FCHSD2: variants seen among roughly 807,000 people sequenced by gnomAD.
The protein encoded by FCHSD2 is F-BAR and double SH3 domains protein 2.
In FCHSD2, 38 loss-of-function variants were observed where a neutral mutation model predicts 108.1. The ratio of observed to expected loss-of-function variants is 0.35; its 90% CI spans 0.27 to 0.46. FCHSD2 has a LOEUF of 0.46. FCHSD2 is among the 20% of genes least tolerant of loss of function. FCHSD2 has a pLI of 1.00. For missense variants in FCHSD2, 751 were observed against 897.8 expected (o/e 0.84, Z 2.09); for synonymous variants, 279 against 314.7 (o/e 0.89, Z 1.20).
chr11:73,067,475 T>C (rs894061815), intron 3 of FCHSD2, among the ~76,000 whole-genome samples: 7 of 150,036 alleles, frequency 4.7e-5, no homozygotes, highest in Admixed American at 4.6e-4. Context: ...ACTTAAAGTA[T>C]AATAAAAAAA....
intron 2 of FCHSD2, among the ~76,000 whole-genome samples, chr11:73,102,676 A>G (rs997459707): frequency 1.3e-5 from 2 of 152,188 alleles, no homozygotes; most frequent in Admixed American, 6.5e-5. Context: ...TGCCATTATA[A>G]AAGGGTGAGT....
At chr11:72,909,914 G>A (rs554065078) in intron 9 of FCHSD2, among the ~76,000 whole-genome samples, 9 of 149,362 alleles carry the variant, frequency 6.0e-5, no homozygotes, top group Non-Finnish European at 1.0e-4. Flanking sequence ...ACCTCTGCCC[G>A]GCTGCCCATC....
chr11:72,888,243 C>T (rs1332487824), intron 11 of FCHSD2, among the ~76,000 whole-genome samples: 2 of 152,134 alleles, frequency 1.3e-5, no homozygotes, highest in East Asian at 1.9e-4. Flanking sequence ...AATGTTGAAT[C>T]GTGGATGACT....
intron 8 of FCHSD2, among the ~76,000 whole-genome samples, chr11:72,936,263 T>G (rs1024060504): frequency 6.6e-6 from 1 of 152,212 alleles, no homozygotes; most frequent in Non-Finnish European, 1.5e-5. Context: ...GTAAGGAATT[T>G]TGGTGACAGA....
At chr11:73,097,960 C>A (rs573247480) in intron 2 of FCHSD2, among the ~76,000 whole-genome samples, 13 of 152,080 alleles carry the variant, frequency 8.5e-5, no homozygotes, top group Non-Finnish European at 1.3e-4. Context: ...CTTGCATAGC[C>A]CATGGTGCCC....
intron 8 of FCHSD2, among the ~76,000 whole-genome samples, chr11:72,928,240 GA>G (rs1021435525): frequency 2.8e-4 from 43 of 151,344 alleles, no homozygotes; most frequent in Non-Finnish European, 5.0e-4. Flanking sequence ...ACATATTAGG[GA>G]AAAAAAATTC....
At chr11:72,937,214 A>C (rs1856320981) in intron 8 of FCHSD2, among the ~76,000 whole-genome samples, 1 of 152,212 alleles carries the variant, frequency 6.6e-6, no homozygotes, top group Admixed American at 6.5e-5. Flanking sequence ...AGAAGTTTAG[A>C]TATTTAGGTA....
chr11:72,988,674 G>C lies in FCHSD2; in HGVS notation c.521+290C>G, dbSNP rs943403349. Among the ~76,000 whole-genome samples the C allele has an allele frequency of 3.9e-5, 6 of 152,154 alleles. No individual in the cohort carries two copies. In the South Asian group the frequency reaches 1.2e-3, roughly 32 times the overall value. ...TCAGACACCATAGCAGTGACTTCAGGCTTTTGATAAGCTTTCAAGTCTGTA... is the reference window on the plus strand; with the variant it reads ...TCAGACACCATAGCAGTGACTTCAGCCTTTTGATAAGCTTTCAAGTCTGTA... On this transcript the variant is annotated intron_variant, in intron 6 of 19. Coordinates refer to ENST00000409418, the MANE Select transcript of FCHSD2 (RefSeq NM_014824.3).
At chr11:72,983,709 G>C (rs932261532) in intron 8 of FCHSD2, 1 of 354,040 alleles carries the variant, frequency 2.8e-6, no homozygotes, top group Non-Finnish European at 5.5e-6. Context: ...ATTCTGCCTA[G>C]CTTCAATAAT....
At chr11:73,132,824 G>GAAAAAAA (rs35412486) in intron 2 of FCHSD2, among the ~76,000 whole-genome samples, 1 of 110,866 alleles carries the variant, frequency 9.0e-6, no homozygotes, top group African/African-American at 4.0e-5. Context: ...AACGGTAACA[G>GAAAAAAA]AAAAAAAAAA....
chr11:73,060,515 A>T (rs930534019), intron 3 of FCHSD2, among the ~76,000 whole-genome samples: 1 of 152,172 alleles, frequency 6.6e-6, no homozygotes, highest in African/African-American at 2.4e-5. Flanking sequence ...TTTCCAGGGG[A>T]AATAATCAAT....
chr11:72,892,550 G>A (rs1412063857), intron 10 of FCHSD2, among the ~76,000 whole-genome samples: 1 of 152,130 alleles, frequency 6.6e-6, no homozygotes, highest in Admixed American at 6.5e-5. Context: ...CACTATCAAA[G>A]ATCAATATAA....
intron 8 of FCHSD2, among the ~76,000 whole-genome samples, chr11:72,945,925 G>C (rs7951562): frequency 0.95 from 144,665 of 152,210 alleles, 69,073 homozygotes; most frequent in East Asian, 1. Flanking sequence ...TGGAGAAATA[G>C]GAACACTTTT....
At chr11:72,857,148 C>G (rs1340048466) in intron 13 of FCHSD2, among the ~76,000 whole-genome samples, 1 of 152,212 alleles carries the variant, frequency 6.6e-6, no homozygotes. Context: ...AGTAAGAAGG[C>G]TGCAGTGCCA....
chr11:73,110,569 A>AT, intron 2 of FCHSD2, among the ~76,000 whole-genome samples: 1 of 151,676 alleles, frequency 6.6e-6, no homozygotes. Flanking sequence ...AGTCTTTTCT[A>AT]TTTTTTCCTA....
At chr11:73,009,514 A>G (rs181928289) in intron 4 of FCHSD2, among the ~76,000 whole-genome samples, 1 of 152,308 alleles carries the variant, frequency 6.6e-6, no homozygotes, top group Non-Finnish European at 1.5e-5. Flanking sequence ...AAGTCATACT[A>G]GAAAAAATTA....
chr11:73,010,659 T>C (rs1470782607), intron 4 of FCHSD2, among the ~76,000 whole-genome samples: 1 of 152,206 alleles, frequency 6.6e-6, no homozygotes, highest in African/African-American at 2.4e-5. Flanking sequence ...ATGAACAGTG[T>C]CAGTGGTGTT....
chr11:72,861,923 C>A (rs1471274839), intron 13 of FCHSD2, among the ~76,000 whole-genome samples: 2 of 89,234 alleles, frequency 2.2e-5, no homozygotes, highest in African/African-American at 9.2e-5. Flanking sequence ...AAAAGCGAAA[C>A]GCCGTCTCAA....
chr11:72,912,506 G>A (rs538904335), intron 9 of FCHSD2, among the ~76,000 whole-genome samples: 22 of 152,252 alleles, frequency 1.4e-4, no homozygotes, highest in South Asian at 4.1e-4. Flanking sequence ...TTTTTAATGC[G>A]TTGTTGAATT....
Sources: allele counts gnomAD v4.1 joint callset (sites outside exome capture counted in the v4.1 genomes callset), GRCh38; gene constraint gnomAD v4.1.1; transcripts MANE v1.5; gene names NCBI Gene and HGNC (gene_info 2026-07-23, HGNC 2026-07-21).